CELF2: variants seen among roughly 807,000 people sequenced by gnomAD.
CELF2 encodes the protein CUG triplet repeat RNA-binding protein 2.
In CELF2, 8 loss-of-function variants were observed where a neutral mutation model predicts 62.6. That is an observed-to-expected ratio of 0.13 (90% CI 0.07 to 0.23). The LOEUF (loss-of-function observed/expected upper bound fraction) is 0.23. CELF2 is among the 10% of genes least tolerant of loss of function. The pLI, the probability that CELF2 is intolerant of heterozygous loss-of-function variation, is 1.00. For missense variants in CELF2, 333 were observed against 671.0 expected (o/e 0.50, Z 5.56); for synonymous variants, 258 against 250.0 (o/e 1.03, Z -0.30).
intron 2 of CELF2, chr10:10,935,376 T>A (rs1033690249): frequency 6.6e-6 from 1 of 152,192 alleles, no homozygotes; most frequent in Non-Finnish European, 1.5e-5. Flanking sequence ...TTTGTCACCT[T>A]GCTTCAGTAT....
At chr10:10,758,703 G>T in the CELF2 span, among the ~76,000 whole-genome samples, 5 of 152,174 alleles carry the variant, frequency 3.3e-5, no homozygotes, top group African/African-American at 4.8e-5. Context: ...GAAAAATATG[G>T]TTCAGATATT....
In CELF2 at chr10:11,319,011, G is replaced by A. The variant is rs2095261598; in HGVS notation, c.1097-2178G>A. On this transcript the variant is annotated intron_variant, in intron 10 of 12. Coordinates refer to ENST00000633077, the MANE Select transcript of CELF2 (RefSeq NM_001326342.2). This position sits in a 1 kb window ranked among gnomAD's most constrained non-coding sequence, Gnocchi z 4.4. Reference sequence around the variant, plus strand: ...CACTGGAGACGAGCTGCTGTCTTCAGCCCGTCCTCGTCTGGCAGCAAGGCC... The same window carrying A: ...CACTGGAGACGAGCTGCTGTCTTCAACCCGTCCTCGTCTGGCAGCAAGGCC... 1 of 471,006 alleles carries A rather than the reference G, an allele frequency of 2.1e-6. No individual in the cohort carries two copies. The highest frequency in any genetic ancestry group is 2.0e-5 in the African/African-American group (1 of 50,090). 29.2% of individuals were successfully genotyped at this position (471,006 alleles called of 1,614,324 possible).
Position 11,247,702 on chromosome 10 carries a change from C to T in CELF2, c.355-1451C>T, listed in dbSNP as rs1186938239. 6.6e-6 allele frequency among the ~76,000 whole-genome samples: 1 copy of T among 152,136 alleles called. No homozygotes were observed. The highest frequency in any genetic ancestry group is 1.5e-5 in the Non-Finnish European group (1 of 68,020). On this transcript the variant is annotated intron_variant, in intron 3 of 12. Transcript: ENST00000633077. This position sits in a 1 kb window ranked among gnomAD's most constrained non-coding sequence, Gnocchi z 5.4. The stretch of plus-strand genomic sequence containing the variant: ...TTGGCCTAGAGACTGACATAGGGTA[C>T]CTGTTTGCTCCATACCTGCTGGACA...
chr10:11,204,828 G>T (rs569325987), intron 2 of CELF2, among the ~76,000 whole-genome samples: 7 of 152,214 alleles, frequency 4.6e-5, no homozygotes, highest in African/African-American at 9.7e-5. Flanking sequence ...ACGTCTTCTT[G>T]TGAAGCCCAG....
intron 1 of CELF2, among the ~76,000 whole-genome samples, chr10:11,050,773 G>A (rs1416621035): frequency 1.3e-5 from 2 of 152,146 alleles, no homozygotes; most frequent in Admixed American, 6.5e-5. Flanking sequence ...CCTGTCTGAT[G>A]GGGTTGTGCC....
intron 1 of CELF2, among the ~76,000 whole-genome samples, chr10:10,871,548 G>A (rs892257819): frequency 1.3e-5 from 2 of 152,120 alleles, no homozygotes; most frequent in African/African-American, 4.8e-5. Context: ...CACTTTGGGA[G>A]GCTGAGGAGG....
intron 1 of CELF2, among the ~76,000 whole-genome samples, chr10:10,833,559 G>A (rs1453988503): frequency 6.6e-6 from 1 of 152,190 alleles, no homozygotes; most frequent in African/African-American, 2.4e-5. Flanking sequence ...AAACTAGGTA[G>A]GAATATAATC....
At chr10:11,186,267 T>G (rs945416676) in intron 2 of CELF2, among the ~76,000 whole-genome samples, 2 of 151,146 alleles carry the variant, frequency 1.3e-5, no homozygotes, top group Admixed American at 1.3e-4. Flanking sequence ...TTTATTTGTC[T>G]ACTAAAGAAC....
chr10:11,147,842 C>T (rs1045704469), intron 1 of CELF2, among the ~76,000 whole-genome samples: 2 of 152,086 alleles, frequency 1.3e-5, no homozygotes, highest in Non-Finnish European at 2.9e-5. Context: ...AACACCTGAC[C>T]ACAGGTCTGT....
chr10:10,732,308 T>G, the CELF2 span, among the ~76,000 whole-genome samples: 1 of 152,168 alleles, frequency 6.6e-6, no homozygotes, highest in African/African-American at 2.4e-5. Context: ...TTAGAGCATG[T>G]AGACACTGAG....
At chr10:11,139,924 T>G (rs2061047370) in intron 1 of CELF2, among the ~76,000 whole-genome samples, 1 of 152,076 alleles carries the variant, frequency 6.6e-6, no homozygotes, top group African/African-American at 2.4e-5. Flanking sequence ...GGCTCATTTC[T>G]CTTCGTCTCC....
At chr10:10,654,048 C>T in the CELF2 span, among the ~76,000 whole-genome samples, 1 of 149,540 alleles carries the variant, frequency 6.7e-6, no homozygotes, top group Non-Finnish European at 1.5e-5. Context: ...CACCACTGAT[C>T]CCACAGAAAT....
At chr10:10,909,834 TAGAC>T (rs1318425744) in intron 1 of CELF2, among the ~76,000 whole-genome samples, 2 of 143,226 alleles carry the variant, frequency 1.4e-5, no homozygotes, top group African/African-American at 2.9e-5. Context: ...TCTTCTCCAG[TAGAC>T]AGACAGCCTC....
intron 1 of CELF2, among the ~76,000 whole-genome samples, chr10:10,892,481 T>C (rs1475643830): frequency 6.6e-6 from 1 of 152,204 alleles, no homozygotes; most frequent in Non-Finnish European, 1.5e-5. Flanking sequence ...TTTTTGTTCC[T>C]GTAGACTGAG....
the CELF2 span, among the ~76,000 whole-genome samples, chr10:10,774,628 G>C: frequency 4.0e-3 from 606 of 152,292 alleles, 4 homozygotes; most frequent in African/African-American, 0.013. Context: ...GGCCTCCTCA[G>C]AAGCCAAGCA....
chr10:10,879,855 T>A (rs2061341818), intron 1 of CELF2, among the ~76,000 whole-genome samples: 1 of 152,164 alleles, frequency 6.6e-6, no homozygotes, highest in Non-Finnish European at 1.5e-5. Context: ...ACTCCCCACA[T>A]ACACTTTCTG....
Position 11,155,260 on chromosome 10 carries a change from T to C in CELF2, c.75-10226T>C, listed in dbSNP as rs191172235. The stretch of plus-strand genomic sequence containing the variant: ...ACAAGCTTGTGATTATACAAATGAA[T>C]AATTGCGCTGTGCTGCCGTCCTTGG... On this transcript the variant is annotated intron_variant, in intron 1 of 12. Transcript: ENST00000633077. Among the ~76,000 whole-genome samples the C allele has an allele frequency of 2.0e-5, 3 of 152,336 alleles. No homozygotes were observed. In the East Asian group the frequency reaches 5.8e-4, roughly 29 times the overall value.
rs1420572939 is a variant in CELF2 at position 11,178,062 on chromosome 10, A to G, written c.271+12380A>G. ...GTGTTTGCAAAGAGGTCAGATCCCT[A>G]CACATGAAACGCTGCGGCCACAGCT... is the stretch of plus-strand genomic sequence containing the variant. On this transcript the variant is annotated intron_variant, in intron 2 of 12. Coordinates refer to ENST00000633077, the MANE Select transcript of CELF2 (RefSeq NM_001326342.2). This position sits in a 1 kb window ranked among gnomAD's most constrained non-coding sequence, Gnocchi z 4.3. Among the ~76,000 whole-genome samples, 1 of 152,234 alleles carries G rather than the reference A, an allele frequency of 6.6e-6. No individual in the cohort carries two copies. The highest frequency in any genetic ancestry group is 6.5e-5 in the Admixed American group (1 of 15,288).
chr10:10,735,987 C>G, the CELF2 span, among the ~76,000 whole-genome samples: 1 of 152,102 alleles, frequency 6.6e-6, no homozygotes, highest in African/African-American at 2.4e-5. Flanking sequence ...TGCACTAACT[C>G]GATGTATGAA....
Sources: allele counts gnomAD v4.1 joint callset (sites outside exome capture counted in the v4.1 genomes callset), GRCh38; gene constraint gnomAD v4.1.1; non-coding constraint Gnocchi (gnomAD v3.1); transcripts MANE v1.5; gene names NCBI Gene and HGNC (gene_info 2026-07-23, HGNC 2026-07-21).